ARL15: variants seen among roughly 807,000 people sequenced by gnomAD.
ARL15 encodes ARF like GTPase 15.
Under a neutral mutation model 25.2 loss-of-function variants are expected in ARL15, and 19 were observed. That is an observed-to-expected ratio of 0.75 (90% CI 0.53 to 1.10). ARL15 has a LOEUF of 1.10. ARL15 is among the 50% of genes least tolerant of loss of function. The pLI is 0.00. For synonymous variants in ARL15, 94 were observed against 86.8 expected, an observed-to-expected ratio of 1.08 and a Z score of -0.46; for missense variants, 220 against 246.0, an observed-to-expected ratio of 0.89 and a Z score of 0.71.
chr5:53,944,634 C>A (rs548377590), intron 4 of ARL15, among the ~76,000 whole-genome samples: 1 of 152,152 alleles, frequency 6.6e-6, no homozygotes, highest in Non-Finnish European at 1.5e-5. Flanking sequence ...CAAACCTGAT[C>A]ACCTACTGAG....
chr5:54,248,072 C>A (rs1473413961), intron 1 of ARL15, among the ~76,000 whole-genome samples: 1 of 152,008 alleles, frequency 6.6e-6, no homozygotes, highest in Admixed American at 6.6e-5. Flanking sequence ...ATGGTAAAGA[C>A]CAGATTCTTA....
chr5:54,172,021 G>A, intron 1 of ARL15, 93 bp from the exon 2 acceptor site: 2 of 1,441,138 alleles, frequency 1.4e-6, no homozygotes, highest in Non-Finnish European at 1.9e-6. Flanking sequence ...GTATTAAGAG[G>A]TAATTGAATA....
At chr5:54,074,038 A>C (rs571752999) in intron 4 of ARL15, among the ~76,000 whole-genome samples, 42 of 152,306 alleles carry the variant, frequency 2.8e-4, no homozygotes, top group African/African-American at 9.9e-4. Flanking sequence ...GAACTATTTT[A>C]TTTACAGAGT....
intron 4 of ARL15, among the ~76,000 whole-genome samples, chr5:54,048,796 A>G (rs1427051024): frequency 2.9e-4 from 20 of 69,430 alleles, no homozygotes; most frequent in Non-Finnish European, 4.8e-4. Flanking sequence ...ATGCTATAGG[A>G]AAAAAAAAAA....
intron 1 of ARL15, among the ~76,000 whole-genome samples, chr5:54,210,987 C>T (rs1756021886): frequency 1.3e-5 from 2 of 152,232 alleles, no homozygotes; most frequent in East Asian, 3.9e-4. Flanking sequence ...AATGAAAATA[C>T]ACATATTTTA....
chr5:54,273,057 C>T (rs1375063471), intron 1 of ARL15, among the ~76,000 whole-genome samples: 2 of 152,128 alleles, frequency 1.3e-5, no homozygotes, highest in Non-Finnish European at 2.9e-5. Context: ...TTCTAAGGTT[C>T]CATCTTGATC....
intron 4 of ARL15, among the ~76,000 whole-genome samples, chr5:54,074,569 T>C (rs1440787530): frequency 1.3e-5 from 2 of 152,218 alleles, no homozygotes; most frequent in African/African-American, 2.4e-5. Flanking sequence ...CATAAAGCTA[T>C]TGAAATCTAT....
chr5:54,246,138 C>CT (rs11318745), intron 1 of ARL15, among the ~76,000 whole-genome samples: 2,509 of 147,584 alleles, frequency 0.017, 33 homozygotes, highest in Admixed American at 0.029. Context: ...TCTTCACTCA[C>CT]TTTTTTTTTT....
intron 4 of ARL15, among the ~76,000 whole-genome samples, chr5:53,920,225 G>A (rs1464500315): frequency 1.3e-5 from 2 of 152,112 alleles, no homozygotes; most frequent in African/African-American, 2.4e-5. Context: ...TTTTGGTAGA[G>A]TAGCCCAATT....
intron 1 of ARL15, among the ~76,000 whole-genome samples, chr5:54,235,275 A>G (rs760224187): frequency 4.6e-5 from 7 of 152,216 alleles, no homozygotes; most frequent in Non-Finnish European, 1.0e-4. Flanking sequence ...AATTCTATGC[A>G]TCTTTCTCTA....
Position 53,886,517 on chromosome 5 carries a change from G to A in ARL15, c.*44C>T. On this transcript the variant is annotated 3_prime_UTR_variant, in exon 5 of 5. Transcript: ENST00000504924. The stretch of plus-strand genomic sequence containing the variant: ...TAAAATTAAAATGAGAAACTAACAT[G>A]ATAGGTTCAAGGCCTTTTGGGAGCC... 1 of 1,515,916 alleles carries A rather than the reference G, an allele frequency of 6.6e-7. No homozygotes were observed. 93.9% of individuals were successfully genotyped at this position (1,515,916 alleles called of 1,614,324 possible).
chr5:53,979,403 G>A (rs1480341605), intron 4 of ARL15, among the ~76,000 whole-genome samples: 2 of 151,968 alleles, frequency 1.3e-5, no homozygotes, highest in Non-Finnish European at 2.9e-5. Flanking sequence ...GCTGGGTATG[G>A]TGGTATGTGC....
intron 3 of ARL15, among the ~76,000 whole-genome samples, chr5:54,147,353 T>C (rs1191683814): frequency 6.6e-6 from 1 of 152,188 alleles, no homozygotes; most frequent in African/African-American, 2.4e-5. Context: ...GAGCTTTAGA[T>C]AATTGAAAAT....
intron 4 of ARL15, among the ~76,000 whole-genome samples, chr5:53,985,925 GA>G (rs1472690531): frequency 6.6e-6 from 1 of 152,140 alleles, no homozygotes; most frequent in Non-Finnish European, 1.5e-5. Context: ...ACACTCAAAA[GA>G]CAGCCTTCAC....
At chr5:53,892,442 T>A (rs1426568029) in intron 4 of ARL15, among the ~76,000 whole-genome samples, 1 of 152,150 alleles carries the variant, frequency 6.6e-6, no homozygotes, top group African/African-American at 2.4e-5. Context: ...TGCAAGAGAA[T>A]CTGTTAACTG....
intron 1 of ARL15, among the ~76,000 whole-genome samples, chr5:54,262,797 T>A (rs1757526924): frequency 6.6e-6 from 1 of 152,226 alleles, no homozygotes; most frequent in South Asian, 2.1e-4. Flanking sequence ...CCACAAAAAA[T>A]TTCCATTTGT....
intron 4 of ARL15, among the ~76,000 whole-genome samples, chr5:53,910,916 A>G (rs990780797): frequency 6.6e-6 from 1 of 151,916 alleles, no homozygotes; most frequent in Non-Finnish European, 1.5e-5. Flanking sequence ...TTGTATTTCA[A>G]TATTTTATTA....
chr5:54,033,099 G>A (rs1463755106), intron 4 of ARL15, among the ~76,000 whole-genome samples: 2 of 151,312 alleles, frequency 1.3e-5, no homozygotes, highest in Admixed American at 6.6e-5. Context: ...AGGCTGAGGC[G>A]GGTGGATCAC....
chr5:53,963,334 T>C (rs1010841400), intron 4 of ARL15, among the ~76,000 whole-genome samples: 8 of 152,182 alleles, frequency 5.3e-5, no homozygotes, highest in African/African-American at 1.9e-4. Flanking sequence ...AACTGAAGAA[T>C]TTAAGTTAGT....
Sources: allele counts gnomAD v4.1 joint callset (sites outside exome capture counted in the v4.1 genomes callset), GRCh38; gene constraint gnomAD v4.1.1; transcripts MANE v1.5; gene names NCBI Gene and HGNC (gene_info 2026-07-23, HGNC 2026-07-21).